CPLX4: variants seen among roughly 807,000 people sequenced by gnomAD.
CPLX4 encodes the protein complexin 4.
CPLX4 carries 17 observed loss-of-function variants against 16.1 expected under a neutral mutation model. That is an observed-to-expected ratio of 1.06 (90% confidence interval 0.72 to 1.59). CPLX4 has a LOEUF of 1.59. Among genes scored for constraint, CPLX4 ranks in the 40% most tolerant of loss-of-function variants. The pLI is 0.00. For synonymous variants in CPLX4, 55 were observed against 57.8 expected (o/e 0.95, Z 0.22); for missense variants, 193 against 192.9 (o/e 1.00, Z 0.00).
At chr18:59,301,085 C>A (rs375971006) in intron 2 of CPLX4, among the ~76,000 whole-genome samples, 1 of 152,190 alleles carries the variant, frequency 6.6e-6, no homozygotes, top group Admixed American at 6.5e-5. Flanking sequence ...GCCTTAGGAC[C>A]TTGGGTGCAT....
At chr18:59,298,389 A>G (rs530126457) in intron 2 of CPLX4, among the ~76,000 whole-genome samples, 2 of 152,306 alleles carry the variant, frequency 1.3e-5, no homozygotes, top group South Asian at 2.1e-4. Flanking sequence ...TTTGGAGATC[A>G]GGTTGTAACA....
chr18:59,314,017 A>T (rs1161451563), intron 1 of CPLX4, among the ~76,000 whole-genome samples: 10 of 152,198 alleles, frequency 6.6e-5, no homozygotes, highest in Admixed American at 6.5e-4. Flanking sequence ...CTTAACCATT[A>T]TACAAAAAAA....
intron 1 of CPLX4, among the ~76,000 whole-genome samples, chr18:59,316,706 G>A (rs906386907): frequency 6.6e-6 from 1 of 152,006 alleles, no homozygotes; most frequent in African/African-American, 2.4e-5. Context: ...GTATGATTTG[G>A]CCATTTTGAG....
intron 1 of CPLX4, 115 bp downstream of exon 1, chr18:59,318,181 G>A (rs565130898): frequency 1.1e-5 from 16 of 1,441,486 alleles, no homozygotes; most frequent in Non-Finnish European, 1.5e-5. Context: ...AGAGGTAAAC[G>A]GCAAAAGGAA....
At chr18:59,316,887 G>A (rs2070654614) in intron 1 of CPLX4, among the ~76,000 whole-genome samples, 2 of 152,116 alleles carry the variant, frequency 1.3e-5, no homozygotes, top group South Asian at 4.1e-4. Flanking sequence ...GAGAATGTTT[G>A]ATGCTGATTT....
intron 2 of CPLX4, among the ~76,000 whole-genome samples, chr18:59,311,039 G>A (rs1370211525): frequency 6.6e-6 from 1 of 151,116 alleles, no homozygotes; most frequent in Non-Finnish European, 1.5e-5. Context: ...TAATCAGATG[G>A]CCCAAGAGCA....
chr18:59,297,666 C>A (rs2070511110), intron 2 of CPLX4, among the ~76,000 whole-genome samples: 1 of 152,338 alleles, frequency 6.6e-6, no homozygotes, highest in Non-Finnish European at 1.5e-5. Context: ...TGCCTAAGGG[C>A]AGCTTTGCAA....
Position 59,318,439 on chromosome 18 carries a change from C to T in CPLX4, c.24G>A (p.Met8Ile), listed in dbSNP as rs2070665847. ...CTAAATTCTTTACCTGGTTACTTAT[C>T]ATACTTTTCATAAGGAAAGCCATTT... MAFLMKS[M>I]ISNQVKNLGF... Residue 8 changes from methionine (M) to isoleucine (I), a missense_variant, in exon 1 of 3, where the codon ATG (methionine) becomes ATA (isoleucine). Physicochemically the swap from Met to Ile is conservative, Grantham distance 10. Coordinates refer to ENST00000299721, the MANE Select transcript of CPLX4 (RefSeq NM_181654.4). The T allele has an allele frequency of 6.2e-7, 1 of 1,610,754 alleles. No homozygotes were observed. The highest frequency in any genetic ancestry group is 8.5e-7 in the Non-Finnish European group (1 of 1,178,952).
At chr18:59,311,851 A>G (rs1032696574) in intron 2 of CPLX4, among the ~76,000 whole-genome samples, 1 of 152,154 alleles carries the variant, frequency 6.6e-6, no homozygotes, top group Non-Finnish European at 1.5e-5. Context: ...CCACCAGGAG[A>G]CCAACGACTC....
intron 2 of CPLX4, among the ~76,000 whole-genome samples, chr18:59,310,371 G>C (rs1489114927): frequency 1.3e-5 from 2 of 152,050 alleles, no homozygotes; most frequent in Non-Finnish European, 2.9e-5. Context: ...TGTTTCAAAA[G>C]ATACCCTGGC....
intron 1 of CPLX4, among the ~76,000 whole-genome samples, chr18:59,313,466 C>T (rs1187187354): frequency 6.6e-6 from 1 of 152,088 alleles, no homozygotes; most frequent in African/African-American, 2.4e-5. Flanking sequence ...TTGAAATGGA[C>T]GTTCTTGCTA....
chr18:59,301,076 C>T (rs1051296358), intron 2 of CPLX4, among the ~76,000 whole-genome samples: 1 of 152,214 alleles, frequency 6.6e-6, no homozygotes, highest in Non-Finnish European at 1.5e-5. Flanking sequence ...CTGGGAAGGG[C>T]CTTAGGACCT....
intron 2 of CPLX4, among the ~76,000 whole-genome samples, chr18:59,311,326 T>G (rs1018194845): frequency 3.3e-5 from 5 of 152,182 alleles, no homozygotes; most frequent in Admixed American, 3.3e-4. Flanking sequence ...TACATTTTAT[T>G]GTGGGTTTTC....
In CPLX4 at chr18:59,318,626, A is replaced by G; in HGVS notation, c.-164T>C. The G allele has an allele frequency of 2.3e-6, 3 of 1,311,118 alleles. No homozygotes were observed. The allele number at this position is 1,311,118 out of a possible 1,614,324, so 81.2% of individuals were successfully genotyped here. A position where few individuals can be genotyped will look rare whatever the true frequency, so the allele number is the denominator to read the frequency against. ...CTATTCAAGGGCATACTGATAGAGA[A>G]GAGTGGTTTGTCGGCCGTAAGCTGG... is the stretch of plus-strand genomic sequence containing the variant. On this transcript the variant is annotated 5_prime_UTR_variant, in exon 1 of 3. Coordinates refer to ENST00000299721, the MANE Select transcript of CPLX4 (RefSeq NM_181654.4).
At position 59,318,301 on chromosome 18, in the gene CPLX4, C is replaced by T. The variant is rs1438297766; in HGVS notation, c.162G>A (p.Glu54=). 3.7e-6 allele frequency: 6 copies of T among 1,606,952 alleles called. No individual in the cohort carries two copies. In the African/African-American group the frequency reaches 8.1e-5, roughly 22 times the overall value. ...ATGAAATAGCATGTACTCACTTCTC[C>T]TCAATCATTTGCTTTTGATACTCCT... is the stretch of plus-strand genomic sequence containing the variant. The part of the protein sequence containing the change: ...EYEEYQKQMI[E]EKMERDAAFT... The change falls in exon 1 of 3, where the codon GAG becomes GAA. Residue 54 remains glutamate, a synonymous_variant. Coordinates refer to ENST00000299721, the MANE Select transcript of CPLX4 (RefSeq NM_181654.4).
intron 2 of CPLX4, among the ~76,000 whole-genome samples, chr18:59,304,416 TG>T (rs915808685): frequency 2.3e-4 from 35 of 152,346 alleles, no homozygotes; most frequent in African/African-American, 7.7e-4. Flanking sequence ...TGAAGAAATA[TG>T]GTGTTTTAAT....
intron 1 of CPLX4, 107 bp downstream of exon 1, chr18:59,318,189 G>C: frequency 6.9e-7 from 1 of 1,450,904 alleles, no homozygotes; most frequent in Non-Finnish European, 9.1e-7. Flanking sequence ...ACGGCAAAAG[G>C]AAAGGCATCT....
intron 2 of CPLX4, among the ~76,000 whole-genome samples, chr18:59,302,049 G>A (rs2070545199): frequency 6.6e-6 from 1 of 152,236 alleles, no homozygotes; most frequent in African/African-American, 2.4e-5. Flanking sequence ...CAGTGAAAGA[G>A]ACGGTGGGAG....
chr18:59,310,684 T>C (rs1333407109), intron 2 of CPLX4, among the ~76,000 whole-genome samples: 1 of 152,182 alleles, frequency 6.6e-6, no homozygotes, highest in African/African-American at 2.4e-5. Context: ...AGGTCCTTTA[T>C]ATTACATTAT....
Sources: gnomAD v4.1 joint callset for allele counts (sites outside exome capture counted in the v4.1 genomes callset) on GRCh38, gnomAD v4.1.1 for gene constraint, MANE v1.5 for transcripts, NCBI Gene and HGNC (gene_info 2026-07-23, HGNC 2026-07-21) for gene names.